The following KDM7A variants were observed in gnomAD, a reference collection of about 807,000 sequenced individuals.
The protein encoded by KDM7A is lysine-specific demethylase 7A.
In KDM7A, 28 loss-of-function variants were observed where a neutral mutation model predicts 114.8. The ratio of observed to expected loss-of-function variants is 0.24; its 90% confidence interval spans 0.18 to 0.33. KDM7A has a LOEUF of 0.33. KDM7A is among the 10% of genes least tolerant of loss of function. The probability of loss-of-function intolerance (pLI) is 1.00; values close to 1 mark genes in which losing one functional copy is unlikely to be tolerated. For synonymous variants in KDM7A, 423 were observed against 397.8 expected (o/e 1.06, Z -0.75); for missense variants, 942 against 1,142.5 (o/e 0.82, Z 2.53).
intron 11 of KDM7A, among the ~76,000 whole-genome samples, chr7:140,103,587 T>C (rs1180161890): frequency 6.6e-6 from 1 of 152,166 alleles, no homozygotes; most frequent in East Asian, 1.9e-4. Context: ...TTGTGATAGT[T>C]TGCTGAGAAT....
intron 11 of KDM7A, among the ~76,000 whole-genome samples, chr7:140,109,257 C>T (rs1004598867): frequency 7.9e-5 from 12 of 152,188 alleles, no homozygotes; most frequent in South Asian, 2.1e-4. Flanking sequence ...GCTCACGCTC[C>T]GTGGGCTGCA....
rs753299962 is a variant in KDM7A at position 140,102,085 on chromosome 7, T to C, written c.1504A>G (p.Thr502Ala). The change falls in exon 12 of 20, where the codon ACT becomes GCT. Residue 502 changes from threonine to alanine, a missense_variant. Physicochemically the swap from Thr to Ala is moderately conservative, Grantham distance 58 (BLOSUM62 0). This residue lies in a region of KDM7A where 512 missense variants were observed against 576.6 expected (regional missense o/e 0.89). Transcript: ENST00000397560. ...CPVSRSSNEA[T>A]SPYHSRRKMR... ...TTTCTTCGGGAATGGTATGGGGAAG[T>C]TGCTTCATTTGAGGATCGTGAAACT... The C allele has an allele frequency of 3.7e-6, 6 of 1,613,986 alleles. No individual in the cohort carries two copies. Among genetic ancestry groups the C allele is most frequent in the East Asian group, 4.5e-5 (2 of 44,876 alleles).
In KDM7A at chr7:140,123,967, G is replaced by A. The variant is rs1818657000; in HGVS notation, c.1051+654C>T. 1.3e-5 allele frequency among the ~76,000 whole-genome samples: 2 copies of A among 151,874 alleles called. 1 individual carries two copies. Among genetic ancestry groups the A allele is most frequent in the South Asian group, 4.2e-4 (2 of 4,808 alleles). On this transcript the variant is annotated intron_variant, in intron 7 of 19. Transcript: ENST00000397560. ...CGCCTGTAGTCCCAGCTACTTGGAA[G>A]GCTGAGGCAGGAGAATGGCACGAAC...
rs1562944944 is a variant in KDM7A at position 140,097,585 on chromosome 7, A to G, written c.1976T>C (p.Ile659Thr). 1 of 1,608,714 alleles carries G rather than the reference A, an allele frequency of 6.2e-7. No homozygotes were observed. The change falls in exon 15 of 20, where the codon ATT becomes ACT. Residue 659 changes from isoleucine (I) to threonine (T), a missense_variant. Around this residue, in one of 4 missense-constraint regions of KDM7A, gnomAD observed 512 missense variants for 576.6 expected, o/e 0.89. Coordinates refer to ENST00000397560, the MANE Select transcript of KDM7A (RefSeq NM_030647.2). ...LRSRSSGYSDISESEDSGPEC... is the reference protein window; with the variant it reads ...LRSRSSGYSDTSESEDSGPEC... ...GGGTCCGGAGTCTTCTGACTCAGAA[A>G]TATCAGAATATCCTGATGATCTACT... is the stretch of plus-strand genomic sequence containing the variant.
intron 1 of KDM7A, among the ~76,000 whole-genome samples, chr7:140,175,423 C>T (rs953716800): frequency 6.6e-6 from 1 of 152,124 alleles, no homozygotes; most frequent in African/African-American, 2.4e-5. Flanking sequence ...AAGACACTTC[C>T]TACAATCACA....
intron 17 of KDM7A, chr7:140,095,799 A>C (rs1339502060): frequency 6.3e-6 from 1 of 158,360 alleles, no homozygotes; most frequent in Non-Finnish European, 1.4e-5. Context: ...AGATTGCTTG[A>C]GGCCTGGAGG....
chr7:140,160,047 T>TCC, intron 1 of KDM7A, among the ~76,000 whole-genome samples: 1 of 151,904 alleles, frequency 6.6e-6, no homozygotes, highest in Non-Finnish European at 1.5e-5. Flanking sequence ...TTTTAGATAA[T>TCC]ATTTTTTATT....
At chr7:140,117,929 A>G (rs1162861019) in intron 9 of KDM7A, among the ~76,000 whole-genome samples, 1 of 152,238 alleles carries the variant, frequency 6.6e-6, no homozygotes, top group Non-Finnish European at 1.5e-5. Context: ...AAGCACTGCC[A>G]GGACATCTCT....
chr7:140,144,184 A>G (rs976208090), intron 1 of KDM7A, among the ~76,000 whole-genome samples: 27 of 152,250 alleles, frequency 1.8e-4, no homozygotes, highest in African/African-American at 6.3e-4. Flanking sequence ...AATAGAACTG[A>G]GAGTCCAGAA....
chr7:140,112,834 T>C (rs930290461), intron 10 of KDM7A, among the ~76,000 whole-genome samples: 7 of 152,220 alleles, frequency 4.6e-5, no homozygotes, highest in African/African-American at 1.7e-4. Context: ...CATGGATGCA[T>C]AAGGGAAGGA....
At chr7:140,135,167 A>C (rs2116814724) in intron 2 of KDM7A, among the ~76,000 whole-genome samples, 1 of 151,052 alleles carries the variant, frequency 6.6e-6, no homozygotes, top group African/African-American at 2.4e-5. Context: ...AGTGTATTTC[A>C]TTCCAGATTT....
rs1472366182 is a variant in KDM7A, at chr7:140,086,589, C to T, written c.*4505G>A. On this transcript the variant is annotated 3_prime_UTR_variant, in exon 20 of 20. Coordinates refer to ENST00000397560, the MANE Select transcript of KDM7A (RefSeq NM_030647.2). Reference sequence around the variant, plus strand: ...ATTAAGATTACATTACGTTCAACAGCAACAGAATGAGAAAATTAATTCTTC... The same window carrying T: ...ATTAAGATTACATTACGTTCAACAGTAACAGAATGAGAAAATTAATTCTTC... The T allele has an allele frequency of 6.6e-6, 1 of 152,104 alleles. No homozygotes were observed. Among genetic ancestry groups the T allele is most frequent in the East Asian group, 1.9e-4 (1 of 5,202 alleles). The allele number at this position is 152,104 out of a possible 1,614,324, so 9.4% of individuals were successfully genotyped here.
At position 140,176,808 on chromosome 7, in the gene KDM7A, G is replaced by T; in HGVS notation, c.130C>A (p.Gln44Lys). The change falls in exon 1 of 20, where the codon CAG becomes AAG. Residue 44 changes from glutamine to lysine, a missense_variant. By Grantham distance (53) the Gln-to-Lys change is moderately conservative. This residue lies in a region of KDM7A where 112 missense variants were observed against 96.2 expected (regional missense o/e 1.16). Transcript: ENST00000397560. This position sits in a 1 kb window ranked among gnomAD's most constrained non-coding sequence, Gnocchi z 4.4. ...ATGAAGCGGTTCACGTCGTACGGCT[G>T]CCGGCACACACAGTACACGGGCGGG... ...PPPPVYCVCRQPYDVNRFMIE... is the reference protein window; with the variant it reads ...PPPPVYCVCRKPYDVNRFMIE... 2.1e-6 allele frequency: 3 copies of T among 1,414,948 alleles called. No individual in the cohort carries two copies. The highest frequency in any genetic ancestry group is 2.1e-5 in the Admixed American group (1 of 47,676). 87.6% of individuals were successfully genotyped at this position (1,414,948 alleles called of 1,614,324 possible). A position where few individuals can be genotyped will look rare whatever the true frequency, so the allele number is the denominator to read the frequency against.
chr7:140,106,961 T>A (rs1311475680), intron 11 of KDM7A, among the ~76,000 whole-genome samples: 1 of 152,236 alleles, frequency 6.6e-6, no homozygotes, highest in Admixed American at 6.5e-5. Flanking sequence ...TTTATGAATC[T>A]GGGTGCATAT....
intron 4 of KDM7A, among the ~76,000 whole-genome samples, chr7:140,128,946 T>C (rs914705756): frequency 1.3e-5 from 2 of 152,224 alleles, no homozygotes; most frequent in African/African-American, 4.8e-5. Context: ...TCTGTTTCTT[T>C]GGGGAATTTT....
At chr7:140,097,883 T>C (rs1818141617) in intron 14 of KDM7A, among the ~76,000 whole-genome samples, 2 of 152,240 alleles carry the variant, frequency 1.3e-5, no homozygotes, top group South Asian at 2.1e-4. Context: ...CATAATTATA[T>C]ATTCCTTACT....
At position 140,086,410 on chromosome 7, in the gene KDM7A, TAGA is replaced by T. The variant is rs1246171242; in HGVS notation, c.*4681_*4683del. 2 of 152,284 alleles carry T rather than the reference TAGA, an allele frequency of 1.3e-5. No homozygotes were observed. Among genetic ancestry groups the T allele is most frequent in the East Asian group, 1.9e-4 (1 of 5,188 alleles). The allele number at this position is 152,284 out of a possible 1,614,324, so 9.4% of individuals were successfully genotyped here. A position where few individuals can be genotyped will look rare whatever the true frequency, so the allele number is the denominator to read the frequency against. The stretch of plus-strand genomic sequence containing the variant: ...AGTTAAAATGAGGAAAAAAATACTA[TAGA>T]AGAATAAAATCACAGTCACAACAAG... On this transcript the variant is annotated 3_prime_UTR_variant, in exon 20 of 20. Coordinates refer to ENST00000397560, the MANE Select transcript of KDM7A (RefSeq NM_030647.2).
chr7:140,148,224 A>C (rs1455859439), intron 1 of KDM7A, among the ~76,000 whole-genome samples: 2 of 151,854 alleles, frequency 1.3e-5, no homozygotes, highest in Non-Finnish European at 2.9e-5. Context: ...CTTCAAGAAA[A>C]AAAAAAAAAA....
Position 140,098,876 on chromosome 7 carries a change from T to C in KDM7A, c.1918+3A>G. 1.2e-6 allele frequency: 2 copies of C among 1,603,604 alleles called. No individual in the cohort carries two copies. Among genetic ancestry groups the C allele is most frequent in the East Asian group, 2.2e-5 (1 of 44,792 alleles). ...CTTTAAAATAACCATTAAAAAAACA[T>C]ACCATTCAGTGGTTTTTGAGATTCT... On this transcript the variant is annotated splice_donor_region_variant and intron_variant, in intron 14 of 19. Transcript: ENST00000397560.
Sources: allele counts gnomAD v4.1 joint callset (sites outside exome capture counted in the v4.1 genomes callset), GRCh38; gene constraint gnomAD v4.1.1; regional missense constraint gnomAD v4.1.1; non-coding constraint Gnocchi (gnomAD v3.1); transcripts MANE v1.5; gene names NCBI Gene and HGNC (gene_info 2026-07-23, HGNC 2026-07-21).